SBF2: variants seen among roughly 807,000 people sequenced by gnomAD.
The protein encoded by SBF2 is myotubularin-related protein 13.
SBF2 carries 112 observed loss-of-function variants against 225.2 expected under a neutral mutation model. The observed-to-expected ratio is 0.50, with a 90% CI of 0.43 to 0.58. The LOEUF is 0.58. Ranked by LOEUF, SBF2 falls within the 20% of genes least tolerant of loss-of-function variation. The probability of loss-of-function intolerance (pLI) is 0.00; values close to 1 mark genes in which losing one functional copy is unlikely to be tolerated. For synonymous variants in SBF2, 763 were observed against 773.3 expected, an observed-to-expected ratio of 0.99 and a Z score of 0.22; for missense variants, 1,996 against 2,206.2, an observed-to-expected ratio of 0.90 and a Z score of 1.91.
intron 13 of SBF2, among the ~76,000 whole-genome samples, chr11:9,972,060 A>G (rs146129019): frequency 6.6e-6 from 1 of 152,322 alleles, no homozygotes; most frequent in Non-Finnish European, 1.5e-5. Context: ...TTTTTAGTTC[A>G]TGATCTCTGA....
intron 2 of SBF2, among the ~76,000 whole-genome samples, chr11:10,129,418 C>T (rs1350276242): frequency 1.3e-5 from 2 of 152,132 alleles, no homozygotes; most frequent in Non-Finnish European, 2.9e-5. Context: ...TCTCTCCTTT[C>T]TTCAAAGGAA....
chr11:10,145,713 C>T (rs1173600592), intron 2 of SBF2, among the ~76,000 whole-genome samples: 1 of 152,164 alleles, frequency 6.6e-6, no homozygotes, highest in Non-Finnish European at 1.5e-5. Context: ...TACCCCATTA[C>T]AGCACCTGGT....
chr11:9,974,297 G>T (rs998966776), intron 13 of SBF2, among the ~76,000 whole-genome samples: 1 of 152,072 alleles, frequency 6.6e-6, no homozygotes, highest in Non-Finnish European at 1.5e-5. Context: ...AATTATTTGC[G>T]ATAAAGAGTA....
At chr11:9,825,170 C>T (rs1854995731) in intron 28 of SBF2, among the ~76,000 whole-genome samples, 1 of 151,984 alleles carries the variant, frequency 6.6e-6, no homozygotes, top group Admixed American at 6.6e-5. Context: ...AGAATGGGCC[C>T]CTAATTCAAT....
intron 1 of SBF2, among the ~76,000 whole-genome samples, chr11:10,300,135 T>C (rs1199978892): frequency 6.6e-6 from 1 of 152,250 alleles, no homozygotes; most frequent in Non-Finnish European, 1.5e-5. Context: ...GTCTTGCTTT[T>C]TCTTCAGAAT....
At chr11:10,136,596 C>A (rs1312893706) in intron 2 of SBF2, among the ~76,000 whole-genome samples, 1 of 152,130 alleles carries the variant, frequency 6.6e-6, no homozygotes, top group African/African-American at 2.4e-5. Flanking sequence ...CCAAGTCAGA[C>A]AAAAGCATGC....
chr11:9,814,300 G>C (rs947076589), intron 29 of SBF2, among the ~76,000 whole-genome samples: 5 of 152,144 alleles, frequency 3.3e-5, no homozygotes, highest in Admixed American at 6.5e-5. Context: ...GCTTTTCTAA[G>C]ATTAAAACTG....
intron 25 of SBF2, among the ~76,000 whole-genome samples, chr11:9,839,921 T>C (rs1231019905): frequency 6.6e-6 from 1 of 152,204 alleles, no homozygotes; most frequent in Non-Finnish European, 1.5e-5. Flanking sequence ...AAGAAATGAT[T>C]AGCTCAAAGC....
intron 1 of SBF2, among the ~76,000 whole-genome samples, chr11:10,240,868 TG>T (rs762623533): frequency 9.7e-4 from 148 of 152,340 alleles, no homozygotes; most frequent in Non-Finnish European, 1.6e-3. Context: ...TTTAAATATC[TG>T]GGAATTTTTA....
chr11:9,917,272 T>C (rs1263837747), intron 16 of SBF2, among the ~76,000 whole-genome samples: 1 of 151,722 alleles, frequency 6.6e-6, no homozygotes, highest in Non-Finnish European at 1.5e-5. Context: ...ATTCTTGAAC[T>C]GATTTCCTTC....
chr11:9,808,954 T>G lies in SBF2; in HGVS notation c.4204A>C (p.Asn1402His), dbSNP rs1590132478. The G allele has an allele frequency of 1.2e-6, 2 of 1,613,938 alleles. No homozygotes were observed. Among genetic ancestry groups the G allele is most frequent in the Non-Finnish European group, 1.7e-6 (2 of 1,179,958 alleles). The change falls in exon 31 of 40, where the codon AAT (asparagine) becomes CAT (histidine). Residue 1402 changes from asparagine (N) to histidine (H), a missense_variant. Physicochemically the swap from Asn to His is moderately conservative, Grantham distance 68. Transcript: ENST00000256190. ...AAACAGACCAAAACTGAGGAACCAT[T>G]CTCAAGTACTTCTGATACAACCACA... ...LAVVVSEVLE[N>H]GSSVLVCLEE...
At chr11:9,910,309 T>C (rs982589211) in intron 16 of SBF2, among the ~76,000 whole-genome samples, 1 of 152,146 alleles carries the variant, frequency 6.6e-6, no homozygotes, top group Admixed American at 6.6e-5. Context: ...TGGGCTGATG[T>C]TGGTGTAAAC....
At chr11:9,925,016 T>C (rs1343149933) in intron 16 of SBF2, among the ~76,000 whole-genome samples, 1 of 152,176 alleles carries the variant, frequency 6.6e-6, no homozygotes, top group Non-Finnish European at 1.5e-5. Context: ...CTCAAAGTGT[T>C]GGAATTACAG....
intron 13 of SBF2, among the ~76,000 whole-genome samples, chr11:9,986,913 C>T (rs1947220896): frequency 6.6e-6 from 1 of 152,124 alleles, no homozygotes; most frequent in African/African-American, 2.4e-5. Context: ...GGAACTCTCC[C>T]TAATTTATTC....
chr11:9,859,293 A>AT (rs547491378), intron 17 of SBF2, among the ~76,000 whole-genome samples: 97 of 152,264 alleles, frequency 6.4e-4, no homozygotes, highest in Admixed American at 2.9e-3. Flanking sequence ...TCACTTTATG[A>AT]TTTTGTTTCC....
intron 2 of SBF2, among the ~76,000 whole-genome samples, chr11:10,181,877 T>C (rs1956749568): frequency 6.6e-6 from 1 of 152,142 alleles, no homozygotes; most frequent in African/African-American, 2.4e-5. Flanking sequence ...TCTCAAAGAC[T>C]AAAAAACTTT....
At chr11:9,787,273 G>GTTGT (rs1187142043) in intron 36 of SBF2, among the ~76,000 whole-genome samples, 1 of 152,158 alleles carries the variant, frequency 6.6e-6, no homozygotes, top group Non-Finnish European at 1.5e-5. Context: ...AGCATATTTT[G>GTTGT]TTGTTTTAAA....
intron 16 of SBF2, among the ~76,000 whole-genome samples, chr11:9,948,594 A>G (rs1357218932): frequency 1.2e-4 from 19 of 152,124 alleles, no homozygotes; most frequent in Admixed American, 1.2e-3. Context: ...TAGTAGACTC[A>G]TATTTAGAAA....
intron 2 of SBF2, among the ~76,000 whole-genome samples, chr11:10,105,604 C>T (rs192988316): frequency 1.3e-5 from 2 of 152,258 alleles, no homozygotes; most frequent in Admixed American, 1.3e-4. Flanking sequence ...AATAAAAGCT[C>T]ACTTTTTTAT....
Sources: allele counts gnomAD v4.1 joint callset (sites outside exome capture counted in the v4.1 genomes callset), GRCh38; gene constraint gnomAD v4.1.1; transcripts MANE v1.5; gene names NCBI Gene and HGNC (gene_info 2026-07-23, HGNC 2026-07-21).